Variants in TM4SF18 observed in about 807,000 individuals in gnomAD.
TM4SF18 encodes transmembrane 4 L6 family member 18.
In TM4SF18, 22 loss-of-function variants were observed where a neutral mutation model predicts 23.8. The ratio of observed to expected loss-of-function variants is 0.92; its 90% CI spans 0.66 to 1.32. TM4SF18 has a LOEUF of 1.32. Among genes scored for constraint, TM4SF18 ranks in the 40% most tolerant of loss-of-function variants. The pLI is 0.00. For synonymous variants in TM4SF18, 87 were observed against 87.9 expected (o/e 0.99, Z 0.06); for missense variants, 255 against 240.3 (o/e 1.06, Z -0.41).
At chr3:149,323,707 C>T (rs1161508798) in intron 4 of TM4SF18, among the ~76,000 whole-genome samples, 1 of 152,144 alleles carries the variant, frequency 6.6e-6, no homozygotes, top group Non-Finnish European at 1.5e-5. Context: ...GATTGTAAAA[C>T]ATGTGGTTTG....
chr3:149,326,735 TTG>T (rs1730957618), intron 3 of TM4SF18, among the ~76,000 whole-genome samples: 1 of 152,232 alleles, frequency 6.6e-6, no homozygotes, highest in Non-Finnish European at 1.5e-5. Context: ...TTCTAATTCA[TTG>T]TGCTATAATC....
chr3:149,328,036 C>T (rs1241347418), intron 3 of TM4SF18, among the ~76,000 whole-genome samples: 2 of 152,156 alleles, frequency 1.3e-5, no homozygotes, highest in African/African-American at 4.8e-5. Context: ...GCTATTATTT[C>T]AAGTGCCCTT....
intron 5 of TM4SF18, 104 bp from the exon 6 acceptor site, chr3:149,321,596 T>A: frequency 1.4e-6 from 1 of 712,748 alleles, no homozygotes; most frequent in Non-Finnish European, 2.3e-6. Flanking sequence ...ATATTCAAAA[T>A]ATGATAGAAC....
intron 5 of TM4SF18, 85 bp from the exon 6 acceptor site, chr3:149,321,577 TTATATTTCA>T: frequency 1.2e-6 from 1 of 837,628 alleles, no homozygotes; most frequent in Non-Finnish European, 1.9e-6. Context: ...CAACTTAAAC[TTATATTTCA>T]TATTCAAAAT....
chr3:149,324,825 G>A, intron 4 of TM4SF18, 55 bp downstream of exon 4: 2 of 1,604,890 alleles, frequency 1.2e-6, no homozygotes, highest in Non-Finnish European at 1.7e-6. Flanking sequence ...GCTTGAGCAT[G>A]AGGCAAGGTG....
intron 3 of TM4SF18, among the ~76,000 whole-genome samples, chr3:149,329,462 G>A (rs989365130): frequency 6.6e-6 from 1 of 152,080 alleles, no homozygotes; most frequent in African/African-American, 2.4e-5. Context: ...ACAGGTAGAA[G>A]CACTGCTGCA....
Position 149,321,487 on chromosome 3 carries a change from TC to T in TM4SF18, c.596del (p.Gly199GlufsTer5). 6.4e-7 allele frequency: 1 copy of T among 1,573,930 alleles called. No individual in the cohort carries two copies. Reference protein sequence around the residue: ...CGSYSVIFQPGII With the variant: ...CGSYSVIFQPXII The stretch of plus-strand genomic sequence containing the variant: ...AACATTTTGTCCTTATTCAAATGAT[TC>T]CAGGCTATAGGAAAAAAGGAAAAAC... On this transcript the variant is annotated frameshift_variant, in exon 6 of 6. Coordinates refer to ENST00000296059, the MANE Select transcript of TM4SF18 (RefSeq NM_138786.4). LOFTEE classifies it high-confidence loss of function.
intron 3 of TM4SF18, among the ~76,000 whole-genome samples, chr3:149,325,291 A>G (rs1002350749): frequency 7.2e-5 from 11 of 152,220 alleles, no homozygotes; most frequent in African/African-American, 2.7e-4. Flanking sequence ...TGATATCAAA[A>G]TAATGATCTC....
chr3:149,323,141 G>A (rs1300449840), intron 4 of TM4SF18, among the ~76,000 whole-genome samples: 1 of 151,936 alleles, frequency 6.6e-6, no homozygotes, highest in Non-Finnish European at 1.5e-5. Flanking sequence ...CTCATGATCT[G>A]CCTGCCTCAC....
chr3:149,331,292 C>T (rs1731081473), intron 2 of TM4SF18, among the ~76,000 whole-genome samples: 1 of 152,050 alleles, frequency 6.6e-6, no homozygotes, highest in African/African-American at 2.4e-5. Context: ...ATATTCTTCT[C>T]CTTTCTCCTA....
intron 3 of TM4SF18, among the ~76,000 whole-genome samples, chr3:149,328,859 T>C (rs1178663343): frequency 6.6e-6 from 1 of 152,178 alleles, no homozygotes; most frequent in Non-Finnish European, 1.5e-5. Flanking sequence ...ATCCTCTCTT[T>C]CTTTCTCCTG....
chr3:149,324,327 C>T (rs1479352321), intron 4 of TM4SF18, among the ~76,000 whole-genome samples: 1 of 152,190 alleles, frequency 6.6e-6, no homozygotes, highest in Non-Finnish European at 1.5e-5. Flanking sequence ...AGCTCTGGCT[C>T]ATTCCACAAA....
rs1390969136 is a variant in TM4SF18 at position 149,321,492 on chromosome 3, G to T, written c.592C>A (p.Pro198Thr). 1.3e-6 allele frequency: 2 copies of T among 1,570,384 alleles called. No individual in the cohort carries two copies. Among genetic ancestry groups the T allele is most frequent in the African/African-American group, 1.4e-5 (1 of 73,292 alleles). ...LCGSYSVIFQ[P>T]GII Reference sequence around the variant, plus strand: ...TTTGTCCTTATTCAAATGATTCCAGGCTATAGGAAAAAAGGAAAAACAAAG... The same window carrying T: ...TTTGTCCTTATTCAAATGATTCCAGTCTATAGGAAAAAAGGAAAAACAAAG... The change falls in exon 6 of 6, where the codon CCT (proline) becomes ACT (threonine). Residue 198 changes from proline (P) to threonine (T), a missense_variant and splice_region_variant. Transcript: ENST00000296059.
At chr3:149,324,091 G>A (rs1239153976) in intron 4 of TM4SF18, among the ~76,000 whole-genome samples, 2 of 152,148 alleles carry the variant, frequency 1.3e-5, no homozygotes, top group African/African-American at 4.8e-5. Context: ...GAATGGTACA[G>A]ACATTCCCTC....
In TM4SF18 at chr3:149,321,001, C is replaced by T. The variant is rs1730791366; in HGVS notation, c.*477G>A. On this transcript the variant is annotated 3_prime_UTR_variant, in exon 6 of 6. Coordinates refer to ENST00000296059, the MANE Select transcript of TM4SF18 (RefSeq NM_138786.4). ...GCATTATTCATAATTTTAAAAACAT[C>T]ATTTGTAATGACTGTAATTTTACAA... is the stretch of plus-strand genomic sequence containing the variant. The T allele has an allele frequency of 6.6e-6, 1 of 151,976 alleles. No homozygotes were observed. Among genetic ancestry groups the T allele is most frequent in the African/African-American group, 2.4e-5 (1 of 41,380 alleles). 9.4% of individuals were successfully genotyped at this position (151,976 alleles called of 1,614,324 possible).
rs1730780195 is a variant in TM4SF18 at position 149,320,471 on chromosome 3, C to T, written c.*1007G>A. ...ACACAGGTATTGACTGGTCAGTGGTCATTTTCTCTTGCCCATTGAGCATGT... is the reference window on the plus strand; with the variant it reads ...ACACAGGTATTGACTGGTCAGTGGTTATTTTCTCTTGCCCATTGAGCATGT... On this transcript the variant is annotated 3_prime_UTR_variant, in exon 6 of 6. Transcript: ENST00000296059. The T allele has an allele frequency of 6.6e-6, 1 of 152,178 alleles. No homozygotes were observed. Among genetic ancestry groups the T allele is most frequent in the African/African-American group, 2.4e-5 (1 of 41,440 alleles). The allele number at this position is 152,178 out of a possible 1,614,324, so 9.4% of individuals were successfully genotyped here. A position where few individuals can be genotyped will look rare whatever the true frequency, so the allele number is the denominator to read the frequency against.
intron 4 of TM4SF18, among the ~76,000 whole-genome samples, chr3:149,323,746 A>G (rs1730866288): frequency 1.3e-5 from 2 of 152,232 alleles, no homozygotes; most frequent in South Asian, 4.1e-4. Flanking sequence ...CACATTGAAA[A>G]AGAGCAGAAT....
intron 4 of TM4SF18, among the ~76,000 whole-genome samples, chr3:149,323,430 T>C (rs1452074830): frequency 1.3e-5 from 2 of 152,180 alleles, no homozygotes; most frequent in African/African-American, 2.4e-5. Context: ...TCCTAGTACA[T>C]GCTCTGCACA....
In TM4SF18 at chr3:149,322,905, C is replaced by CTTTTTTTTTTTTTTTTTTTTTTTTTTT. The variant is rs34338382; in HGVS notation, c.411-470_411-469insAAAAAAAAAAAAAAAAAAAAAAAAAAA. ...GAACTTTACCCCTCTGGCCTCCAGA[C>CTTTTTTTTTTTTTTTTTTTTTTTTTTT]TTTTTTTTTTTTTTTTGAGACGGAG... On this transcript the variant is annotated intron_variant, in intron 4 of 5. Coordinates refer to ENST00000296059, the MANE Select transcript of TM4SF18 (RefSeq NM_138786.4). 4.7e-4 allele frequency among the ~76,000 whole-genome samples: 61 copies of CTTTTTTTTTTTTTTTTTTTTTTTTTTT among 128,758 alleles called. 2 individuals carry two copies. Among genetic ancestry groups the CTTTTTTTTTTTTTTTTTTTTTTTTTTT allele is most frequent in the East Asian group, 6.7e-4 (3 of 4,500 alleles). The allele number at this position is 128,758 out of a possible 152,430, so 84.5% of individuals were successfully genotyped here.
Sources: allele counts gnomAD v4.1 joint callset (sites outside exome capture counted in the v4.1 genomes callset), GRCh38; gene constraint gnomAD v4.1.1; transcripts MANE v1.5; gene names NCBI Gene and HGNC (gene_info 2026-07-23, HGNC 2026-07-21).